The following SH3RF3 variants were observed in gnomAD, a reference collection of about 807,000 sequenced individuals.
SH3RF3 encodes the protein SH3 domain containing ring finger 3, also known as E3 ubiquitin-protein ligase SH3RF3.
A neutral mutation model predicts 66.3 loss-of-function variants in SH3RF3; 29 were observed. That is an observed-to-expected ratio of 0.44 (90% CI 0.33 to 0.60). The LOEUF (loss-of-function observed/expected upper bound fraction) is 0.60. Ranked by LOEUF, SH3RF3 falls within the 20% of genes least tolerant of loss-of-function variation. The pLI, the probability that SH3RF3 is intolerant of heterozygous loss-of-function variation, is 0.04. For missense variants in SH3RF3, 1,194 were observed against 1,190.9 expected (o/e 1.00, Z -0.04); for synonymous variants, 583 against 532.0 (o/e 1.10, Z -1.32).
At chr2:109,406,327 A>C (rs1286684898) in intron 4 of SH3RF3, among the ~76,000 whole-genome samples, 1 of 152,144 alleles carries the variant, frequency 6.6e-6, no homozygotes, top group Non-Finnish European at 1.5e-5. Flanking sequence ...TTTTAGAAAA[A>C]TTTCCTCATA....
intron 2 of SH3RF3, among the ~76,000 whole-genome samples, chr2:109,362,232 C>A (rs140462225): frequency 6.6e-6 from 1 of 152,042 alleles, no homozygotes. Context: ...GCTACTTTTG[C>A]GGCATCTCAC....
rs534948935 is a variant in SH3RF3, at chr2:109,225,398, G to A, written c.573+95285G>A. Reference sequence around the variant, plus strand: ...GCTTGGACCCATTTCACAGGGACCCGAAATCTGCACGTTAACAGGTTTCAC... The same window carrying A: ...GCTTGGACCCATTTCACAGGGACCCAAAATCTGCACGTTAACAGGTTTCAC... On this transcript the variant is annotated intron_variant, in intron 1 of 9. Transcript: ENST00000309415. 6.6e-4 allele frequency among the ~76,000 whole-genome samples: 100 copies of A among 152,268 alleles called. 1 individual carries two copies. In the South Asian group the frequency reaches 0.02, roughly 30 times the overall value.
chr2:109,283,376 A>G (rs1476648436), intron 1 of SH3RF3, among the ~76,000 whole-genome samples: 2 of 152,062 alleles, frequency 1.3e-5, no homozygotes, highest in African/African-American at 4.8e-5. Context: ...GCCTCACCTC[A>G]CTGCGTTGAA....
At position 109,308,940 on chromosome 2, in the gene SH3RF3, G is replaced by GT. The variant is rs532230399; in HGVS notation, c.574-38728dup. Among the ~76,000 whole-genome samples, 340 of 81,284 alleles carry GT rather than the reference G, an allele frequency of 4.2e-3. 81 individuals are homozygous for GT. Among genetic ancestry groups the GT allele is most frequent in the African/African-American group, 0.03 (307 of 10,138 alleles). 53.3% of individuals were successfully genotyped at this position (81,284 alleles called of 152,430 possible). ...TTGGTTCCATGTGAACTTTAAAGTA[G>GT]TTTTTTCCAATTCTGTGAAGAAAGT... On this transcript the variant is annotated intron_variant, in intron 1 of 9. Transcript: ENST00000309415.
At chr2:109,357,001 TGCAACATTCAA>T (rs1682958942) in intron 2 of SH3RF3, among the ~76,000 whole-genome samples, 1 of 152,154 alleles carries the variant, frequency 6.6e-6, no homozygotes, top group African/African-American at 2.4e-5. Context: ...TAGCACTGAA[TGCAACATTCAA>T]GGCATGCTGC....
chr2:109,233,865 T>G (rs1279092361), intron 1 of SH3RF3, among the ~76,000 whole-genome samples: 1 of 152,228 alleles, frequency 6.6e-6, no homozygotes, highest in Non-Finnish European at 1.5e-5. Flanking sequence ...TGGTCTGCAT[T>G]GTTTTGTCTA....
At position 109,432,648 on chromosome 2, in the gene SH3RF3, A is replaced by G; in HGVS notation, c.1551A>G (p.Gly517=). The change falls in exon 6 of 10, where the codon GGA becomes GGG. Residue 517 remains glycine (G), a synonymous_variant. Coordinates refer to ENST00000309415, the MANE Select transcript of SH3RF3 (RefSeq NM_001099289.3). The stretch of plus-strand genomic sequence containing the variant: ...CCGGGGTCTCTGGGGTGTTCCCCGG[A>G]AACTACGTGACACCCGTTTCCAGGT... The part of the protein sequence containing the change: ...LRTGVSGVFP[G]NYVTPVSRVP... 6.2e-7 allele frequency: 1 copy of G among 1,612,742 alleles called. No homozygotes were observed. Among genetic ancestry groups the G allele is most frequent in the Non-Finnish European group, 8.5e-7 (1 of 1,179,486 alleles).
intron 2 of SH3RF3, among the ~76,000 whole-genome samples, chr2:109,369,838 C>G (rs11677538): frequency 0.28 from 42,570 of 152,174 alleles, 6,891 homozygotes; most frequent in Non-Finnish European, 0.37. Flanking sequence ...TCTTAGACCC[C>G]ACCAGCCTAA....
At chr2:109,364,835 A>T (rs1373132933) in intron 2 of SH3RF3, among the ~76,000 whole-genome samples, 1 of 152,088 alleles carries the variant, frequency 6.6e-6, no homozygotes, top group East Asian at 1.9e-4. Context: ...TCACCCCTGT[A>T]CTCTCAGCAC....
At chr2:109,279,296 G>A (rs1349216351) in intron 1 of SH3RF3, among the ~76,000 whole-genome samples, 1 of 152,216 alleles carries the variant, frequency 6.6e-6, no homozygotes, top group Admixed American at 6.5e-5. Flanking sequence ...GTTAACTGCT[G>A]CAAAGGGATT....
intron 1 of SH3RF3, among the ~76,000 whole-genome samples, chr2:109,179,003 ATGTGTG>A (rs56236635): frequency 1.5e-4 from 21 of 142,176 alleles, no homozygotes; most frequent in South Asian, 4.6e-4. Flanking sequence ...AAGTATAATA[ATGTGTG>A]TGTGTGTGTG....
At chr2:109,400,401 TA>T (rs1347637067) in intron 4 of SH3RF3, among the ~76,000 whole-genome samples, 2 of 151,910 alleles carry the variant, frequency 1.3e-5, no homozygotes, top group African/African-American at 4.8e-5. Context: ...TGCACGCACA[TA>T]TACACATATA....
At chr2:109,260,863 G>T (rs1680336697) in intron 1 of SH3RF3, among the ~76,000 whole-genome samples, 1 of 152,182 alleles carries the variant, frequency 6.6e-6, no homozygotes, top group Admixed American at 6.5e-5. Flanking sequence ...GAAGGTAAAT[G>T]GTTGAAGCCA....
At chr2:109,368,273 A>G (rs575875295) in intron 2 of SH3RF3, among the ~76,000 whole-genome samples, 4 of 152,146 alleles carry the variant, frequency 2.6e-5, no homozygotes, top group Admixed American at 2.6e-4. Context: ...GTTATTTTTA[A>G]CATTGAGTAT....
At chr2:109,211,598 A>G (rs551624110) in intron 1 of SH3RF3, among the ~76,000 whole-genome samples, 5 of 151,942 alleles carry the variant, frequency 3.3e-5, no homozygotes, top group South Asian at 2.1e-4. Context: ...AGTGGGGAGC[A>G]TTAGACAGAC....
intron 8 of SH3RF3, among the ~76,000 whole-genome samples, chr2:109,468,714 C>T (rs1341812315): frequency 6.6e-6 from 1 of 151,774 alleles, no homozygotes; most frequent in African/African-American, 2.4e-5. Flanking sequence ...ATGAGCCAGG[C>T]ATGGTGGCGG....
chr2:109,270,300 A>G (rs1021545657), intron 1 of SH3RF3, among the ~76,000 whole-genome samples: 7 of 152,178 alleles, frequency 4.6e-5, no homozygotes, highest in Non-Finnish European at 8.8e-5. Flanking sequence ...TGAGGTGGCA[A>G]GCAGCCCTGT....
rs114503991 is a variant in SH3RF3 at position 109,432,304 on chromosome 2, C to G, written c.1404-197C>G. Among the ~76,000 whole-genome samples the G allele has an allele frequency of 6.1e-3, 934 of 152,266 alleles. 10 individuals are homozygous for G. The highest frequency in any genetic ancestry group is 0.021 in the African/African-American group (883 of 41,550). On this transcript the variant is annotated intron_variant, in intron 5 of 9. Coordinates refer to ENST00000309415, the MANE Select transcript of SH3RF3 (RefSeq NM_001099289.3). ...CCCTGCAGGCAGCTCCCCGAAGGCTCCCTGCCTCGTGGGTTTGTTATGAGG... is the reference window on the plus strand; with the variant it reads ...CCCTGCAGGCAGCTCCCCGAAGGCTGCCTGCCTCGTGGGTTTGTTATGAGG...
chr2:109,281,484 G>A (rs1680892003), intron 1 of SH3RF3, among the ~76,000 whole-genome samples: 1 of 152,170 alleles, frequency 6.6e-6, no homozygotes, highest in Admixed American at 6.5e-5. Flanking sequence ...AGCTCTTCTG[G>A]TTCTGACTCT....
Sources: gnomAD v4.1 joint callset for allele counts (sites outside exome capture counted in the v4.1 genomes callset) on GRCh38, gnomAD v4.1.1 for gene constraint, MANE v1.5 for transcripts, NCBI Gene and HGNC (gene_info 2026-07-23, HGNC 2026-07-21) for gene names.